The following IL1RAPL2 variants were observed in gnomAD, a reference collection of about 807,000 sequenced individuals.
IL1RAPL2 encodes the protein interleukin 1 receptor accessory protein like 2, also known as X-linked interleukin-1 receptor accessory protein-like 2.
In IL1RAPL2, 3 loss-of-function variants were observed where a neutral mutation model predicts 44.1. That is an observed-to-expected ratio of 0.07 (90% CI 0.03 to 0.18). The LOEUF (loss-of-function observed/expected upper bound fraction) is 0.18. Ranked by LOEUF, IL1RAPL2 falls within the 10% of genes least tolerant of loss-of-function variation. IL1RAPL2 has a pLI of 1.00. For missense variants in IL1RAPL2, 391 were observed against 496.4 expected (o/e 0.79, Z 2.02); for synonymous variants, 181 against 178.8 (o/e 1.01, Z -0.10).
chrX:105,061,747 C>T (rs77651084), intron 2 of IL1RAPL2, among the ~76,000 whole-genome samples: 5 of 111,823 alleles, frequency 4.5e-5, no homozygotes, highest in Non-Finnish European at 1.9e-5. Flanking sequence ...TATATTTATA[C>T]TTGTTATATC....
At chrX:105,476,918 G>A (rs1436308593) in intron 5 of IL1RAPL2, among the ~76,000 whole-genome samples, 1 of 112,110 alleles carries the variant, frequency 8.9e-6, no homozygotes, top group Non-Finnish European at 1.9e-5. Context: ...TGTGAAGATA[G>A]TAAGTCAAGA....
chrX:104,678,983 G>T (rs1930842349), intron 2 of IL1RAPL2, among the ~76,000 whole-genome samples: 1 of 111,851 alleles, frequency 8.9e-6, no homozygotes, highest in East Asian at 2.8e-4. Context: ...AATAAAAAAA[G>T]AATTCAATTT....
chrX:105,465,128 C>G (rs2036119297), intron 5 of IL1RAPL2, among the ~76,000 whole-genome samples: 1 of 111,974 alleles, frequency 8.9e-6, no homozygotes, highest in Non-Finnish European at 1.9e-5. Context: ...AGCTAGAAAC[C>G]CTTTAACCAC....
intron 2 of IL1RAPL2, among the ~76,000 whole-genome samples, chrX:105,061,955 G>A (rs2032079653): frequency 9.0e-6 from 1 of 111,724 alleles, no homozygotes; most frequent in Admixed American, 9.5e-5. Context: ...GCCAATAATT[G>A]TGTCTTGTTT....
chrX:105,492,841 G>C (rs142348854), intron 6 of IL1RAPL2, among the ~76,000 whole-genome samples: 1 of 110,548 alleles, frequency 9.0e-6, no homozygotes. Context: ...GTCTATTCAC[G>C]ATGTTGTGCA....
At chrX:105,288,820 A>G (rs912196968) in intron 5 of IL1RAPL2, among the ~76,000 whole-genome samples, 1 of 110,958 alleles carries the variant, frequency 9.0e-6, no homozygotes, top group African/African-American at 3.3e-5. Context: ...TCGTGAGCAC[A>G]TATTAGGGGA....
intron 2 of IL1RAPL2, among the ~76,000 whole-genome samples, chrX:104,975,578 A>G (rs1228090538): frequency 2.7e-5 from 3 of 112,424 alleles, no homozygotes; most frequent in African/African-American, 9.7e-5. Context: ...TTAACAAACT[A>G]CTCTATAAAC....
intron 2 of IL1RAPL2, among the ~76,000 whole-genome samples, chrX:105,070,741 G>A (rs913271894): frequency 2.7e-5 from 3 of 110,019 alleles, no homozygotes; most frequent in Admixed American, 2.0e-4. Context: ...GTGTGTGTGT[G>A]TGTGTGTGTG....
At chrX:105,126,142 C>T (rs1209174948) in intron 2 of IL1RAPL2, among the ~76,000 whole-genome samples, 1 of 110,844 alleles carries the variant, frequency 9.0e-6, no homozygotes, top group Non-Finnish European at 1.9e-5. Context: ...CTGTAATTTT[C>T]CTGTACTTGC....
At position 104,879,645 on chromosome X, in the gene IL1RAPL2, ATG is replaced by A. The variant is rs1167998845; in HGVS notation, c.82+220652_82+220653del. On this transcript the variant is annotated intron_variant, in intron 2 of 10. Transcript: ENST00000372582. ...TGCCCTAAACCAATTCCTTCCAGAT[ATG>A]TCAAGCTCTCCAAGTCTGGTGCAAA... Among the ~76,000 whole-genome samples, 8 of 111,889 alleles carry A rather than the reference ATG, an allele frequency of 7.1e-5. No homozygotes were observed. In the South Asian group the frequency reaches 1.5e-3, roughly 21 times the overall value.
intron 6 of IL1RAPL2, among the ~76,000 whole-genome samples, chrX:105,561,402 T>A (rs2036936287): frequency 9.0e-6 from 1 of 111,577 alleles, no homozygotes; most frequent in Non-Finnish European, 1.9e-5. Flanking sequence ...CTGGCAGAAA[T>A]CTTATTTGAT....
chrX:105,026,740 A>G (rs963383258), intron 2 of IL1RAPL2, among the ~76,000 whole-genome samples: 5 of 111,167 alleles, frequency 4.5e-5, no homozygotes, highest in African/African-American at 1.6e-4. Flanking sequence ...AGAAGAATCA[A>G]TATTGTTAAA....
At chrX:105,460,027 C>A (rs2147765965) in intron 5 of IL1RAPL2, among the ~76,000 whole-genome samples, 1 of 111,197 alleles carries the variant, frequency 9.0e-6, no homozygotes, top group South Asian at 3.8e-4. Flanking sequence ...TTAAATAATC[C>A]TTTGCCAGCA....
intron 2 of IL1RAPL2, among the ~76,000 whole-genome samples, chrX:105,174,677 A>T (rs1370803242): frequency 8.9e-5 from 10 of 111,805 alleles, no homozygotes; most frequent in African/African-American, 3.3e-4. Flanking sequence ...ACTATACAAG[A>T]TGCTTTTGGC....
intron 2 of IL1RAPL2, among the ~76,000 whole-genome samples, chrX:104,734,636 G>A (rs1490307734): frequency 9.0e-6 from 1 of 111,598 alleles, no homozygotes; most frequent in Admixed American, 9.5e-5. Flanking sequence ...TAGGAGTAGA[G>A]GGAGAGTGTG....
chrX:104,795,066 C>T (rs1277626833), intron 2 of IL1RAPL2, among the ~76,000 whole-genome samples: 1 of 111,516 alleles, frequency 9.0e-6, no homozygotes, highest in Non-Finnish European at 1.9e-5. Context: ...AATAAACCTA[C>T]CTCATAGGAA....
intron 5 of IL1RAPL2, among the ~76,000 whole-genome samples, chrX:105,457,300 G>T (rs901895520): frequency 1.2e-4 from 13 of 111,068 alleles, no homozygotes; most frequent in Non-Finnish European, 2.5e-4. Flanking sequence ...CAATTCAGTG[G>T]CACTAAGTGT....
chrX:104,875,488 G>A (rs372489203), intron 2 of IL1RAPL2, among the ~76,000 whole-genome samples: 1 of 111,471 alleles, frequency 9.0e-6, no homozygotes, highest in South Asian at 3.8e-4. Flanking sequence ...GGGTGCTGTG[G>A]GAGTGCTCAG....
chrX:104,671,495 C>A (rs1425997851), intron 2 of IL1RAPL2, among the ~76,000 whole-genome samples: 1 of 111,454 alleles, frequency 9.0e-6, no homozygotes, highest in East Asian at 2.8e-4. Context: ...CCCCATCGAC[C>A]CACCTCTTCC....
Sources: gnomAD v4.1 joint callset for allele counts (sites outside exome capture counted in the v4.1 genomes callset) on GRCh38, gnomAD v4.1.1 for gene constraint, MANE v1.5 for transcripts, NCBI Gene and HGNC (gene_info 2026-07-23, HGNC 2026-07-21) for gene names.